NOSIP: variants seen among roughly 807,000 people sequenced by gnomAD.
NOSIP encodes the protein nitric oxide synthase-interacting protein.
NOSIP carries 25 observed loss-of-function variants against 36.4 expected under a neutral mutation model. The ratio of observed to expected loss-of-function variants is 0.69; its 90% CI spans 0.50 to 0.96. The LOEUF is 0.96. NOSIP is among the 40% of genes least tolerant of loss of function. The probability of loss-of-function intolerance (pLI) is 0.00; values close to 1 mark genes in which losing one functional copy is unlikely to be tolerated. For synonymous variants in NOSIP, 187 were observed against 179.2 expected (o/e 1.04, Z -0.35); for missense variants, 370 against 429.0 (o/e 0.86, Z 1.21).
intron 1 of NOSIP, among the ~76,000 whole-genome samples, chr19:49,564,662 A>T (rs1035874760): frequency 1.3e-5 from 2 of 152,028 alleles, no homozygotes; most frequent in Non-Finnish European, 2.9e-5. Flanking sequence ...TGCCAGTCCT[A>T]TGAGCCAGCA....
At position 49,560,570 on chromosome 19, in the gene NOSIP, G is replaced by A; in HGVS notation, c.70+52C>T. On this transcript the variant is annotated intron_variant, in intron 2 of 8. Coordinates refer to ENST00000596358, the MANE Select transcript of NOSIP (RefSeq NM_001270960.2). This position sits in a 1 kb window ranked among gnomAD's most constrained non-coding sequence, Gnocchi z 4.6. ...CAAAACCTGGGGCACGAGGGGAGAG[G>A]GTGACTCCAAGACACAGCCATGTCC... 7.0e-7 allele frequency: 1 copy of A among 1,420,836 alleles called. No homozygotes were observed. The highest frequency in any genetic ancestry group is 9.7e-7 in the Non-Finnish European group (1 of 1,026,648). 88.0% of individuals were successfully genotyped at this position (1,420,836 alleles called of 1,614,324 possible).
At chr19:49,562,882 A>C (rs977306010) in intron 1 of NOSIP, among the ~76,000 whole-genome samples, 15 of 152,138 alleles carry the variant, frequency 9.9e-5, no homozygotes, top group African/African-American at 3.6e-4. Flanking sequence ...CTGTCAAAAG[A>C]AAAAGAAGAG....
rs1001051476 is a variant in NOSIP at position 49,555,690 on chromosome 19, G to T, written c.*61C>A. 1.4e-6 allele frequency: 2 copies of T among 1,459,548 alleles called. No homozygotes were observed. The highest frequency in any genetic ancestry group is 1.9e-6 in the Non-Finnish European group (2 of 1,042,988). 90.4% of individuals were successfully genotyped at this position (1,459,548 alleles called of 1,614,324 possible). A position where few individuals can be genotyped will look rare whatever the true frequency, so the allele number is the denominator to read the frequency against. On this transcript the variant is annotated 3_prime_UTR_variant, in exon 9 of 9. Coordinates refer to ENST00000596358, the MANE Select transcript of NOSIP (RefSeq NM_001270960.2). Reference sequence around the variant, plus strand: ...GCCCTGTCCCCGGGGCGCCCACGCCGCGAATGAAGGCGCCACGTCGTTGCG... The same window carrying T: ...GCCCTGTCCCCGGGGCGCCCACGCCTCGAATGAAGGCGCCACGTCGTTGCG...
chr19:49,557,624 G>A (rs1410590575), intron 4 of NOSIP: 4 of 1,102,228 alleles, frequency 3.6e-6, no homozygotes, highest in Non-Finnish European at 3.3e-6. Context: ...TTTAATTAAT[G>A]TCACCTGCTG....
Position 49,557,772 on chromosome 19 carries a change from A to T in NOSIP, c.259-523T>A, listed in dbSNP as rs1312299472. 4.0e-6 allele frequency: 4 copies of T among 988,770 alleles called. No individual in the cohort carries two copies. In the African/African-American group the frequency reaches 7.0e-5, roughly 17 times the overall value. The allele number at this position is 988,770 out of a possible 1,614,324, so 61.2% of individuals were successfully genotyped here. ...TGAGGACGGGAGAAGTGAAGCCATG[A>T]CCTGAGCTCAGCCCTGCCTGGCGCA... On this transcript the variant is annotated intron_variant, in intron 4 of 8. Coordinates refer to ENST00000596358, the MANE Select transcript of NOSIP (RefSeq NM_001270960.2).
chr19:49,557,147 TAGCCGACTCCTTCTCCAGGA>T lies in NOSIP; in HGVS notation c.341_360del (p.Phe114TyrfsTer21). On this transcript the variant is annotated frameshift_variant, in exon 5 of 9. Coordinates refer to ENST00000596358, the MANE Select transcript of NOSIP (RefSeq NM_001270960.2). LOFTEE classifies it high-confidence loss of function. ...AAAGGGTTGAGGGGCCGGCTCACGA[TAGCCGACTCCTTCTCCAGGA>T]AGCCCCGCACATGGTCCTGCGAGGC... 1.2e-6 allele frequency: 2 copies of T among 1,612,442 alleles called. No homozygotes were observed. Among genetic ancestry groups the T allele is most frequent in the Non-Finnish European group, 1.7e-6 (2 of 1,179,470 alleles).
chr19:49,556,753 G>A lies in NOSIP; in HGVS notation c.538-17C>T. On this transcript the variant is annotated splice_polypyrimidine_tract_variant and intron_variant, in intron 6 of 8. Coordinates refer to ENST00000596358, the MANE Select transcript of NOSIP (RefSeq NM_001270960.2). ...CGTGCGGGACTGCAAGGGGCAGAGA[G>A]AGGCGGGCTCAGTAGGCAGGGCTGG... The A allele has an allele frequency of 6.3e-7, 1 of 1,588,604 alleles. No homozygotes were observed. Among genetic ancestry groups the A allele is most frequent in the Non-Finnish European group, 8.6e-7 (1 of 1,166,604 alleles).
intron 1 of NOSIP, among the ~76,000 whole-genome samples, chr19:49,561,505 A>C (rs2080333729): frequency 6.6e-6 from 1 of 152,170 alleles, no homozygotes; most frequent in East Asian, 1.9e-4. Context: ...ACCTTTGATC[A>C]TTCCCCATAC....
intron 1 of NOSIP, among the ~76,000 whole-genome samples, chr19:49,578,329 G>C (rs1033212831): frequency 1.3e-5 from 2 of 151,932 alleles, no homozygotes; most frequent in Non-Finnish European, 2.9e-5. Flanking sequence ...TTACCATGTT[G>C]GCCAGGCTGG....
At chr19:49,556,820 G>A in intron 6 of NOSIP, 55 bp downstream of exon 6, 6 of 1,597,358 alleles carry the variant, frequency 3.8e-6, no homozygotes, top group Non-Finnish European at 5.1e-6. Context: ...GAGGAGGACG[G>A]TGGGGAACCC....
chr19:49,564,680 T>C (rs914218893), intron 1 of NOSIP, among the ~76,000 whole-genome samples: 6 of 151,958 alleles, frequency 3.9e-5, no homozygotes, highest in Non-Finnish European at 8.8e-5. Flanking sequence ...GCAATTCGTC[T>C]CCCACGTATA....
chr19:49,577,565 G>GTATA (rs996143238), intron 1 of NOSIP, among the ~76,000 whole-genome samples: 1 of 151,060 alleles, frequency 6.6e-6, no homozygotes, highest in African/African-American at 2.4e-5. Flanking sequence ...AAGAAAAGAA[G>GTATA]TATATCTTGG....
Position 49,560,379 on chromosome 19 carries a change from C to G in NOSIP, c.70+243G>C. On this transcript the variant is annotated intron_variant, in intron 2 of 8. Transcript: ENST00000596358. This position sits in a 1 kb window ranked among gnomAD's most constrained non-coding sequence, Gnocchi z 4.6. ...TTTCTTCCTCTGGAACATGGGGTAACAAGAGCACCCTCCCTGACACTCTGT... is the reference window on the plus strand; with the variant it reads ...TTTCTTCCTCTGGAACATGGGGTAAGAAGAGCACCCTCCCTGACACTCTGT... The G allele has an allele frequency of 1.7e-6, 1 of 584,642 alleles. No homozygotes were observed. The highest frequency in any genetic ancestry group is 3.1e-6 in the Non-Finnish European group (1 of 327,126). The allele number at this position is 584,642 out of a possible 1,614,324, so 36.2% of individuals were successfully genotyped here.
Position 49,560,314 on chromosome 19 carries a change from T to C in NOSIP, c.71-275A>G, listed in dbSNP as rs2080314989. On this transcript the variant is annotated intron_variant, in intron 2 of 8. Coordinates refer to ENST00000596358, the MANE Select transcript of NOSIP (RefSeq NM_001270960.2). The surrounding 1 kb of genome is among the most constrained non-coding windows in gnomAD (Gnocchi z 4.6). ...GCTGACTCCCCTCCACCCTTCTGAC[T>C]GTGACCAAGCTCAAGTGCCTGTCCC... 3.5e-6 allele frequency: 2 copies of C among 576,746 alleles called. No homozygotes were observed. Among genetic ancestry groups the C allele is most frequent in the Non-Finnish European group, 6.2e-6 (2 of 322,796 alleles). The allele number at this position is 576,746 out of a possible 1,614,324, so 35.7% of individuals were successfully genotyped here.
intron 1 of NOSIP, among the ~76,000 whole-genome samples, chr19:49,561,631 C>T (rs1004688879): frequency 2.0e-5 from 3 of 152,182 alleles, no homozygotes; most frequent in Admixed American, 6.6e-5. Flanking sequence ...CCTGTAATCT[C>T]AGCACTTTGG....
chr19:49,569,268 A>G (rs1361082884), intron 1 of NOSIP, among the ~76,000 whole-genome samples: 4 of 141,846 alleles, frequency 2.8e-5, no homozygotes, highest in African/African-American at 1.1e-4. Flanking sequence ...GCACAATCTC[A>G]CTGCAAGCTC....
At position 49,560,152 on chromosome 19, in the gene NOSIP, CAGAG is replaced by C. The variant is rs1432713817; in HGVS notation, c.71-117_71-114del. The C allele has an allele frequency of 4.9e-5, 34 of 699,656 alleles. 1 individual carries two copies. In the East Asian group the frequency reaches 6.6e-4, roughly 14 times the overall value. The allele number at this position is 699,656 out of a possible 1,614,324, so 43.3% of individuals were successfully genotyped here. A position where few individuals can be genotyped will look rare whatever the true frequency, so the allele number is the denominator to read the frequency against. Reference sequence around the variant, plus strand: ...AACGCGGTGGTGGGGGTGGGGGACTCAGAGAGAAACAGGCAGTTGGGAGCCGCTG... The same window carrying C: ...AACGCGGTGGTGGGGGTGGGGGACTCAGAAACAGGCAGTTGGGAGCCGCTG... On this transcript the variant is annotated intron_variant, in intron 2 of 8. Coordinates refer to ENST00000596358, the MANE Select transcript of NOSIP (RefSeq NM_001270960.2). This position sits in a 1 kb window ranked among gnomAD's most constrained non-coding sequence, Gnocchi z 4.6.
intron 8 of NOSIP, 26 bp from the exon 9 acceptor site, chr19:49,555,848 G>A (rs1278673559): frequency 4.4e-6 from 7 of 1,587,850 alleles, no homozygotes; most frequent in Middle Eastern, 1.7e-4. Flanking sequence ...AGAAGGACGA[G>A]GTAGAGGCCG....
intron 4 of NOSIP, chr19:49,557,671 C>T (rs1027772390): frequency 6.9e-6 from 7 of 1,010,542 alleles, no homozygotes; most frequent in African/African-American, 3.4e-5. Flanking sequence ...TGCCCCAGCC[C>T]GTGTTTGGGA....
Sources: allele counts gnomAD v4.1 joint callset (sites outside exome capture counted in the v4.1 genomes callset), GRCh38; gene constraint gnomAD v4.1.1; non-coding constraint Gnocchi (gnomAD v3.1); transcripts MANE v1.5; gene names NCBI Gene and HGNC (gene_info 2026-07-23, HGNC 2026-07-21).